IL23R: variants seen among roughly 807,000 people sequenced by gnomAD.
IL23R encodes interleukin-23 receptor.
A neutral mutation model predicts 56.9 loss-of-function variants in IL23R; 34 were observed. The ratio of observed to expected loss-of-function variants is 0.60; its 90% CI spans 0.45 to 0.80. The LOEUF is 0.80. IL23R is among the 30% of genes least tolerant of loss of function. The probability of loss-of-function intolerance (pLI) is 0.00; values close to 1 mark genes in which losing one functional copy is unlikely to be tolerated. For missense variants in IL23R, 635 were observed against 730.0 expected (o/e 0.87, Z 1.50); for synonymous variants, 230 against 249.2 (o/e 0.92, Z 0.73).
chr1:67,232,788 C>T (rs545265975), intron 7 of IL23R, among the ~76,000 whole-genome samples: 6 of 152,222 alleles, frequency 3.9e-5, no homozygotes, highest in Admixed American at 6.5e-5. Context: ...ACCCAAATCT[C>T]ATCTTGAATT....
intron 6 of IL23R, among the ~76,000 whole-genome samples, chr1:67,212,412 G>A (rs377201064): frequency 1.8e-4 from 28 of 152,332 alleles, no homozygotes; most frequent in Middle Eastern, 3.4e-3. Context: ...CTTTAGCTCC[G>A]TGGTGGCATT....
At chr1:67,191,700 C>T (rs1396380934) in intron 4 of IL23R, among the ~76,000 whole-genome samples, 1 of 152,122 alleles carries the variant, frequency 6.6e-6, no homozygotes, top group African/African-American at 2.4e-5. Flanking sequence ...ATGTCCTCAC[C>T]ACTCCACTGA....
rs115391747 is a variant in IL23R at position 67,190,345 on chromosome 1, C to T, written c.491+7386C>T. On this transcript the variant is annotated intron_variant, in intron 4 of 10. Transcript: ENST00000347310. ...GCTTTCTTTCTTCCCAGCTCCTTTG[C>T]GGTGGCCTCACCAGACAGAGCCTCC... Among the ~76,000 whole-genome samples, 355 of 151,426 alleles carry T rather than the reference C, an allele frequency of 2.3e-3. 2 individuals carry two copies. Among genetic ancestry groups the T allele is most frequent in the African/African-American group, 8.3e-3 (342 of 41,272 alleles).
chr1:67,249,545 A>G (rs1327042059), intron 9 of IL23R, among the ~76,000 whole-genome samples: 2 of 152,176 alleles, frequency 1.3e-5, no homozygotes, highest in Non-Finnish European at 2.9e-5. Flanking sequence ...GAAAGGATAT[A>G]CTCAGACATT....
At chr1:67,189,431 C>T (rs1045442624) in intron 4 of IL23R, among the ~76,000 whole-genome samples, 3 of 152,154 alleles carry the variant, frequency 2.0e-5, no homozygotes, top group African/African-American at 7.2e-5. Context: ...TAACCAAACT[C>T]TGATAAACCT....
intron 7 of IL23R, among the ~76,000 whole-genome samples, chr1:67,229,562 G>T (rs1231403034): frequency 6.6e-6 from 1 of 152,156 alleles, no homozygotes; most frequent in East Asian, 1.9e-4. Context: ...CTGGGAGGTT[G>T]GGGATGGGTT....
At chr1:67,261,429 CT>C (rs953399640), downstream of IL23R, among the ~76,000 whole-genome samples, 2 of 147,492 alleles carry the variant, frequency 1.4e-5, no homozygotes, top group African/African-American at 4.9e-5. Flanking sequence ...AAAGTATCCC[CT>C]GATACTTTTA....
At chr1:67,210,833 A>C (rs1649420312) in intron 6 of IL23R, among the ~76,000 whole-genome samples, 1 of 152,132 alleles carries the variant, frequency 6.6e-6, no homozygotes, top group South Asian at 2.1e-4. Context: ...CAGCGCGTTA[A>C]ATAAAGTGAT....
chr1:67,157,318 A>G (rs1489698079), intron 1 of IL23R, among the ~76,000 whole-genome samples: 2 of 152,142 alleles, frequency 1.3e-5, no homozygotes, highest in East Asian at 3.8e-4. Context: ...CCATTCCTCT[A>G]CAAAATATAT....
At chr1:67,166,086 C>T (rs1403489256), upstream of IL23R, among the ~76,000 whole-genome samples, 1 of 152,022 alleles carries the variant, frequency 6.6e-6, no homozygotes, top group Non-Finnish European at 1.5e-5. Flanking sequence ...GAATTTTATT[C>T]ATCAATTATA....
intron 7 of IL23R, among the ~76,000 whole-genome samples, chr1:67,232,332 C>T (rs890650679): frequency 2.0e-5 from 3 of 152,048 alleles, no homozygotes; most frequent in African/African-American, 7.2e-5. Context: ...GTCCAGAGCC[C>T]CACAAGGCCA....
chr1:67,213,741 ATGT>A (rs1649650222), intron 6 of IL23R, among the ~76,000 whole-genome samples: 1 of 152,188 alleles, frequency 6.6e-6, no homozygotes, highest in Admixed American at 6.5e-5. Context: ...ACAATCTATG[ATGT>A]TCGTACAATG....
chr1:67,207,616 C>G, intron 6 of IL23R: 1 of 391,864 alleles, frequency 2.6e-6, no homozygotes, highest in Non-Finnish European at 5.0e-6. Flanking sequence ...TTGCTTCTTC[C>G]TCATTTTCTC....
chr1:67,236,500 G>T (rs554904032), intron 7 of IL23R, among the ~76,000 whole-genome samples: 10 of 152,298 alleles, frequency 6.6e-5, no homozygotes, highest in South Asian at 4.1e-4. Context: ...AGTTGCCCTT[G>T]CAGTGTTTCC....
intron 1 of IL23R, among the ~76,000 whole-genome samples, chr1:67,150,115 G>A (rs1264617696): frequency 1.3e-5 from 2 of 151,920 alleles, no homozygotes; most frequent in African/African-American, 4.8e-5. Flanking sequence ...TCCCATTCAT[G>A]CTTGTGGCTT....
chr1:67,157,574 C>A (rs1033347496), intron 1 of IL23R, among the ~76,000 whole-genome samples: 1 of 152,200 alleles, frequency 6.6e-6, no homozygotes, highest in Non-Finnish European at 1.5e-5. Flanking sequence ...CTTCCCACAC[C>A]GGCCTCCATA....
intron 6 of IL23R, among the ~76,000 whole-genome samples, chr1:67,214,625 T>C (rs1415937874): frequency 6.6e-6 from 1 of 152,238 alleles, no homozygotes; most frequent in Non-Finnish European, 1.5e-5. Context: ...TGAAAACTTA[T>C]TCAGAGACAC....
At chr1:67,184,098 G>C (rs563954469) in intron 4 of IL23R, among the ~76,000 whole-genome samples, 2 of 151,950 alleles carry the variant, frequency 1.3e-5, no homozygotes, top group African/African-American at 4.8e-5. Context: ...GCTGGGCGTG[G>C]TGGTGGGCGC....
intron 6 of IL23R, among the ~76,000 whole-genome samples, chr1:67,210,234 T>G (rs1649361007): frequency 6.6e-6 from 1 of 152,164 alleles, no homozygotes; most frequent in Non-Finnish European, 1.5e-5. Flanking sequence ...AAGGCATAGC[T>G]GCAAGGTTCA....
Sources: allele counts gnomAD v4.1 joint callset (sites outside exome capture counted in the v4.1 genomes callset), GRCh38; gene constraint gnomAD v4.1.1; transcripts MANE v1.5; gene names NCBI Gene and HGNC (gene_info 2026-07-23, HGNC 2026-07-21).